PBX3: variants seen among roughly 807,000 people sequenced by gnomAD.
The protein encoded by PBX3 is pre-B-cell leukemia transcription factor 3.
A neutral mutation model predicts 48.5 loss-of-function variants in PBX3; 14 were observed. The ratio of observed to expected loss-of-function variants is 0.29; its 90% CI spans 0.19 to 0.45. The LOEUF (loss-of-function observed/expected upper bound fraction) is 0.45. Ranked by LOEUF, PBX3 falls within the 20% of genes least tolerant of loss-of-function variation. The pLI is 1.00. For missense variants in PBX3, 386 were observed against 546.7 expected (o/e 0.71, Z 2.93); for synonymous variants, 210 against 200.3 (o/e 1.05, Z -0.41).
At chr9:125,799,909 A>G (rs1038447617) in intron 2 of PBX3, among the ~76,000 whole-genome samples, 23 of 152,108 alleles carry the variant, frequency 1.5e-4, no homozygotes, top group African/African-American at 5.1e-4. Context: ...TTTCCAGGAT[A>G]TATATATATT....
At chr9:125,808,232 A>G (rs1838185159) in intron 2 of PBX3, among the ~76,000 whole-genome samples, 1 of 152,218 alleles carries the variant, frequency 6.6e-6, no homozygotes, top group Non-Finnish European at 1.5e-5. Context: ...TTTTTCTAGT[A>G]TAAAATAGGA....
intron 6 of PBX3, 125 bp from the exon 7 acceptor site, chr9:125,961,977 G>C: frequency 1.9e-6 from 1 of 517,360 alleles, no homozygotes; most frequent in Non-Finnish European, 3.5e-6. Flanking sequence ...TCTTAGATCT[G>C]GAAATGCTTT....
At chr9:125,813,092 C>T (rs1347782291) in intron 2 of PBX3, among the ~76,000 whole-genome samples, 2 of 152,168 alleles carry the variant, frequency 1.3e-5, no homozygotes, top group East Asian at 3.8e-4. Context: ...TTACCCTTAG[C>T]TTACTATAAC....
intron 3 of PBX3, among the ~76,000 whole-genome samples, chr9:125,916,518 G>A (rs1841338766): frequency 6.6e-6 from 1 of 152,170 alleles, no homozygotes; most frequent in Non-Finnish European, 1.5e-5. Context: ...ATTAGAAAGA[G>A]AATATGGGTT....
chr9:125,867,628 A>G (rs1840014445), intron 2 of PBX3, among the ~76,000 whole-genome samples: 1 of 145,316 alleles, frequency 6.9e-6, no homozygotes, highest in African/African-American at 2.6e-5. Flanking sequence ...CAACAAGAGC[A>G]AGACTCCATC....
intron 2 of PBX3, among the ~76,000 whole-genome samples, chr9:125,908,753 GT>G (rs11376330): frequency 4.6e-5 from 7 of 151,648 alleles, no homozygotes; most frequent in African/African-American, 7.3e-5. Context: ...AAATAGTGCT[GT>G]TTTTTTTCTT....
intron 2 of PBX3, among the ~76,000 whole-genome samples, chr9:125,824,435 A>C (rs1025560104): frequency 6.6e-6 from 1 of 152,200 alleles, no homozygotes; most frequent in Non-Finnish European, 1.5e-5. Context: ...TTCAAAGGAA[A>C]GTATACCTTT....
intron 2 of PBX3, among the ~76,000 whole-genome samples, chr9:125,772,450 A>G (rs1481148740): frequency 2.6e-5 from 4 of 152,208 alleles, no homozygotes; most frequent in Non-Finnish European, 5.9e-5. Context: ...TATAAATAAC[A>G]AGATGTGTTG....
At position 125,747,418 on chromosome 9, in the gene PBX3, C is replaced by T; in HGVS notation, c.-36C>T. The T allele has an allele frequency of 7.1e-7, 1 of 1,399,116 alleles. No homozygotes were observed. Among genetic ancestry groups the T allele is most frequent in the East Asian group, 3.1e-5 (1 of 32,588 alleles). 86.7% of individuals were successfully genotyped at this position (1,399,116 alleles called of 1,614,324 possible). A position where few individuals can be genotyped will look rare whatever the true frequency, so the allele number is the denominator to read the frequency against. ...CCGCCGCCGCCGCCTCAGCCTTCGC[C>T]TCAGCCGCCGCCCGCTCCCGCCCGC... On this transcript the variant is annotated 5_prime_UTR_variant, in exon 1 of 9. Coordinates refer to ENST00000373489, the MANE Select transcript of PBX3 (RefSeq NM_006195.6).
intron 5 of PBX3, among the ~76,000 whole-genome samples, chr9:125,948,840 C>G (rs1211634024): frequency 6.6e-6 from 1 of 151,988 alleles, no homozygotes; most frequent in Non-Finnish European, 1.5e-5. Flanking sequence ...ACTGAAAATT[C>G]AATTCAATCT....
intron 2 of PBX3, among the ~76,000 whole-genome samples, chr9:125,784,100 A>T (rs1837397427): frequency 6.6e-6 from 1 of 152,002 alleles, no homozygotes; most frequent in African/African-American, 2.4e-5. Flanking sequence ...GATGGGCCAT[A>T]GTTTTTGTTT....
chr9:125,945,939 C>T (rs943127426), intron 5 of PBX3, among the ~76,000 whole-genome samples: 4 of 152,126 alleles, frequency 2.6e-5, no homozygotes, highest in Non-Finnish European at 4.4e-5. Flanking sequence ...CTGGGGGAAA[C>T]GACATTTCCC....
At chr9:125,790,304 G>A (rs1423994599) in intron 2 of PBX3, among the ~76,000 whole-genome samples, 1 of 151,430 alleles carries the variant, frequency 6.6e-6, no homozygotes, top group African/African-American at 2.4e-5. Flanking sequence ...CCAGGCTGGA[G>A]TGTGGTAGCG....
intron 2 of PBX3, among the ~76,000 whole-genome samples, chr9:125,899,249 GTATATATAT>G (rs1564163136): frequency 3.5e-4 from 40 of 115,666 alleles, no homozygotes; most frequent in African/African-American, 1.2e-3. Context: ...ATATACATAT[GTATATATAT>G]TTATATATAA....
chr9:125,783,890 A>G (rs951676408), intron 2 of PBX3, among the ~76,000 whole-genome samples: 3 of 151,872 alleles, frequency 2.0e-5, no homozygotes, highest in Non-Finnish European at 2.9e-5. Context: ...AATCCCAGCT[A>G]CTCTGGACGC....
chr9:125,893,041 T>A (rs1303963245), intron 2 of PBX3, among the ~76,000 whole-genome samples: 1 of 152,218 alleles, frequency 6.6e-6, no homozygotes, highest in Non-Finnish European at 1.5e-5. Flanking sequence ...TACTCCATAC[T>A]ATTTCTTTGT....
In PBX3 at chr9:125,962,948, C is replaced by CT; in HGVS notation, c.1123-60dup. 1.4e-5 allele frequency: 12 copies of CT among 835,620 alleles called. No homozygotes were observed. The South Asian group carries it at 2.1e-4, about 14-fold the overall frequency. The allele number at this position is 835,620 out of a possible 1,614,324, so 51.8% of individuals were successfully genotyped here. On this transcript the variant is annotated intron_variant, in intron 7 of 8. Coordinates refer to ENST00000373489, the MANE Select transcript of PBX3 (RefSeq NM_006195.6). ...TGGCACACATAATTCAAATTATTTC[C>CT]TTTTGTAAGTGATGACGTTTTAATA...
Position 125,903,668 on chromosome 9 carries a change from A to G in PBX3, c.275-12018A>G, listed in dbSNP as rs117396968. 2.2e-3 allele frequency among the ~76,000 whole-genome samples: 340 copies of G among 152,008 alleles called. 3 individuals are homozygous for G. Among genetic ancestry groups the G allele is most frequent in the Non-Finnish European group, 3.3e-3 (221 of 67,858 alleles). On this transcript the variant is annotated intron_variant, in intron 2 of 8. Transcript: ENST00000373489. ...TCATATTAAACAAAAGAAGTAAGTTAACAAATGAGAGTTCCCAAATTTACT... is the reference window on the plus strand; with the variant it reads ...TCATATTAAACAAAAGAAGTAAGTTGACAAATGAGAGTTCCCAAATTTACT...
intron 7 of PBX3, among the ~76,000 whole-genome samples, chr9:125,962,578 CTTAAA>C (rs1173841941): frequency 2.0e-5 from 3 of 152,178 alleles, no homozygotes; most frequent in Non-Finnish European, 4.4e-5. Flanking sequence ...AACCTGAGTT[CTTAAA>C]TTATAACTCT....
Sources: gnomAD v4.1 joint callset for allele counts (sites outside exome capture counted in the v4.1 genomes callset) on GRCh38, gnomAD v4.1.1 for gene constraint, MANE v1.5 for transcripts, NCBI Gene and HGNC (gene_info 2026-07-23, HGNC 2026-07-21) for gene names.